Variants in PARVA observed in about 807,000 individuals in gnomAD.
PARVA encodes alpha-parvin.
PARVA carries 25 observed loss-of-function variants against 52.6 expected under a neutral mutation model. The observed-to-expected ratio is 0.48, with a 90% CI of 0.35 to 0.66. The LOEUF is 0.66. Among genes scored for constraint, PARVA ranks in the 30% least tolerant of loss-of-function variants. The pLI is 0.01. For synonymous variants in PARVA, 185 were observed against 179.1 expected, an observed-to-expected ratio of 1.03 and a Z score of -0.26; for missense variants, 373 against 450.9, an observed-to-expected ratio of 0.83 and a Z score of 1.56.
chr11:12,515,792 C>T (rs538358571), intron 10 of PARVA, among the ~76,000 whole-genome samples: 2 of 152,218 alleles, frequency 1.3e-5, no homozygotes, highest in African/African-American at 4.8e-5. Context: ...ATGCTCAGGC[C>T]GTTCCCACCT....
At chr11:12,462,908 C>T (rs1448106721) in intron 1 of PARVA, among the ~76,000 whole-genome samples, 1 of 152,150 alleles carries the variant, frequency 6.6e-6, no homozygotes, top group Non-Finnish European at 1.5e-5. Context: ...CATCTTTGGG[C>T]TTTGCCTCCT....
chr11:12,441,345 CT>C (rs59863347), intron 1 of PARVA, among the ~76,000 whole-genome samples: 62 of 148,244 alleles, frequency 4.2e-4, no homozygotes, highest in East Asian at 7.9e-4. Flanking sequence ...TGGTAGAAAA[CT>C]TTTTTTTTTT....
chr11:12,531,264 C>T lies in PARVA; in HGVS notation c.*3339C>T, dbSNP rs1564873310. 1.3e-5 allele frequency among the ~76,000 whole-genome samples: 2 copies of T among 152,116 alleles called. No homozygotes were observed. The highest frequency in any genetic ancestry group is 2.9e-5 in the Non-Finnish European group (2 of 68,024). On this transcript the variant is annotated 3_prime_UTR_variant, in exon 13 of 13. Coordinates refer to ENST00000334956, the MANE Select transcript of PARVA (RefSeq NM_018222.5). ...TATCAGCACATCATCAGTGTTGCCT[C>T]GAGTTGGTTGCAATTTTCAATTGCT...
chr11:12,496,390 A>T (rs142112130), intron 4 of PARVA, 68 bp from the exon 5 acceptor site: 1 of 1,084,092 alleles, frequency 9.2e-7, no homozygotes, highest in Non-Finnish European at 1.3e-6. Flanking sequence ...ATAACTGAGT[A>T]AGTGCATGCA....
intron 4 of PARVA, chr11:12,480,178 C>G (rs1316379808): frequency 6.9e-6 from 1 of 145,760 alleles, no homozygotes; most frequent in Admixed American, 7.0e-5. Flanking sequence ...GAGCGGAGAT[C>G]ACGCCGTTGC....
intron 1 of PARVA, among the ~76,000 whole-genome samples, chr11:12,413,445 C>T (rs1469322088): frequency 6.6e-6 from 1 of 152,166 alleles, no homozygotes; most frequent in Non-Finnish European, 1.5e-5. Context: ...GAATATCTTA[C>T]TGTTTTGGGC....
intron 4 of PARVA, among the ~76,000 whole-genome samples, chr11:12,485,707 C>G (rs1455494220): frequency 6.6e-6 from 1 of 151,900 alleles, no homozygotes; most frequent in Non-Finnish European, 1.5e-5. Context: ...GTAGATATAA[C>G]CCCTTCAAAA....
chr11:12,510,735 T>C (rs1941493906), intron 7 of PARVA, among the ~76,000 whole-genome samples: 1 of 152,184 alleles, frequency 6.6e-6, no homozygotes, highest in Non-Finnish European at 1.5e-5. Context: ...TCATGAGAAT[T>C]ATTCATTATC....
chr11:12,515,831 G>A (rs1290861802), intron 10 of PARVA, among the ~76,000 whole-genome samples: 2 of 152,038 alleles, frequency 1.3e-5, no homozygotes, highest in Non-Finnish European at 2.9e-5. Flanking sequence ...ATAGAAGCTG[G>A]GAGGAGCTAC....
intron 5 of PARVA, among the ~76,000 whole-genome samples, chr11:12,502,595 A>G (rs79308359): frequency 0.12 from 17,796 of 151,748 alleles, 1,166 homozygotes; most frequent in Non-Finnish European, 0.16. Flanking sequence ...AAAAAAAAAA[A>G]TCAGCCATTC....
chr11:12,513,347 A>C lies in PARVA; in HGVS notation c.785A>C (p.Asn262Thr). ...TLFDHAPDKLNVVKKTLITFV... is the reference protein window; with the variant it reads ...TLFDHAPDKLTVVKKTLITFV... ...TTCGACCATGCCCCAGACAAGCTGAATGTGGTGAAAAAGGTGGGAAAGGGG... is the reference window on the plus strand; with the variant it reads ...TTCGACCATGCCCCAGACAAGCTGACTGTGGTGAAAAAGGTGGGAAAGGGG... The change falls in exon 9 of 13, where the codon AAT becomes ACT. Residue 262 changes from asparagine (N) to threonine (T), a missense_variant. By Grantham distance (65) the Asn-to-Thr change is moderately conservative. Transcript: ENST00000334956. The C allele has an allele frequency of 6.2e-7, 1 of 1,613,918 alleles. No individual in the cohort carries two copies. Among genetic ancestry groups the C allele is most frequent in the East Asian group, 2.2e-5 (1 of 44,886 alleles).
At chr11:12,507,048 T>A (rs1345206728) in intron 6 of PARVA, among the ~76,000 whole-genome samples, 1 of 120,914 alleles carries the variant, frequency 8.3e-6, no homozygotes, top group Non-Finnish European at 1.8e-5. Context: ...TGGTCCTCTT[T>A]AAATGATAGA....
chr11:12,378,097 C>T (rs976428648), intron 1 of PARVA, among the ~76,000 whole-genome samples: 65 of 151,306 alleles, frequency 4.3e-4, no homozygotes, highest in African/African-American at 1.5e-3. Flanking sequence ...CCGGAGGCGG[C>T]GGGACCGGAG....
intron 1 of PARVA, among the ~76,000 whole-genome samples, chr11:12,467,954 C>G (rs146586285): frequency 6.6e-6 from 1 of 152,340 alleles, no homozygotes; most frequent in Non-Finnish European, 1.5e-5. Context: ...TCCCTGTGCT[C>G]AGACATAATC....
chr11:12,435,161 C>T (rs182217967), intron 1 of PARVA, among the ~76,000 whole-genome samples: 212 of 152,356 alleles, frequency 1.4e-3, no homozygotes, highest in Admixed American at 4.9e-3. Context: ...CTTGATCTCT[C>T]TCTTCAGCTG....
chr11:12,388,640 G>A (rs193159128), intron 1 of PARVA, among the ~76,000 whole-genome samples: 5 of 152,144 alleles, frequency 3.3e-5, no homozygotes, highest in Admixed American at 2.0e-4. Flanking sequence ...AGCTCCCAAA[G>A]GCAATTGCTA....
intron 4 of PARVA, among the ~76,000 whole-genome samples, chr11:12,484,687 T>G (rs1941134577): frequency 6.6e-6 from 1 of 152,056 alleles, no homozygotes; most frequent in Admixed American, 6.5e-5. Flanking sequence ...AAAGTAAATG[T>G]GTCATATGCT....
At position 12,436,973 on chromosome 11, in the gene PARVA, T is replaced by C. The variant is rs536156738; in HGVS notation, c.137-36772T>C. 2.6e-5 allele frequency among the ~76,000 whole-genome samples: 4 copies of C among 152,338 alleles called. No individual in the cohort carries two copies. The East Asian group carries it at 7.7e-4, about 29-fold the overall frequency. ...GTTGAAGTATACATTACATAAATTT[T>C]GCTGTTTTCACCATCTTTAAGTGCC... On this transcript the variant is annotated intron_variant, in intron 1 of 12. Coordinates refer to ENST00000334956, the MANE Select transcript of PARVA (RefSeq NM_018222.5).
chr11:12,473,928 G>T lies in PARVA; in HGVS notation c.242G>T (p.Arg81Leu). ...EDTMLEENEV[R>L]TMVDPNSRSD... is the part of the protein sequence containing the mutation. ...CTTTTTAAAGAGGAGAATGAGGTGCGAACAATGGTGGATCCAAACTCACGC... is the reference window on the plus strand; with the variant it reads ...CTTTTTAAAGAGGAGAATGAGGTGCTAACAATGGTGGATCCAAACTCACGC... Residue 81 changes from arginine (R) to leucine (L), a missense_variant, in exon 3 of 13, where the codon CGA becomes CTA. By Grantham distance (102) the Arg-to-Leu change is moderately radical (BLOSUM62 -2). Transcript: ENST00000334956. 1.3e-6 allele frequency: 2 copies of T among 1,581,010 alleles called. No homozygotes were observed. The highest frequency in any genetic ancestry group is 2.3e-5 in the East Asian group (1 of 43,128).
Sources: allele counts gnomAD v4.1 joint callset (sites outside exome capture counted in the v4.1 genomes callset), GRCh38; gene constraint gnomAD v4.1.1; transcripts MANE v1.5; gene names NCBI Gene and HGNC (gene_info 2026-07-23, HGNC 2026-07-21).